The following NRXN1 variants were observed in gnomAD, a reference collection of about 807,000 sequenced individuals.
The protein encoded by NRXN1 is neurexin-1.
NRXN1 carries 39 observed loss-of-function variants against 150.9 expected under a neutral mutation model. The ratio of observed to expected loss-of-function variants is 0.26; its 90% CI spans 0.20 to 0.34. The LOEUF (loss-of-function observed/expected upper bound fraction) is 0.34. Among genes scored for constraint, NRXN1 ranks in the 10% least tolerant of loss-of-function variants. The probability of loss-of-function intolerance (pLI) is 1.00; values close to 1 mark genes in which losing one functional copy is unlikely to be tolerated. For synonymous variants in NRXN1, 924 were observed against 757.0 expected (o/e 1.22, Z -3.62); for missense variants, 1,815 against 1,949.9 (o/e 0.93, Z 1.30).
At chr2:50,134,660 C>T (rs763379037) in intron 18 of NRXN1, among the ~76,000 whole-genome samples, 1 of 152,154 alleles carries the variant, frequency 6.6e-6, no homozygotes, top group Non-Finnish European at 1.5e-5. Flanking sequence ...AAGAAATCAT[C>T]GCTTTTTCTC....
chr2:50,965,620 A>G lies in NRXN1; in HGVS notation c.773-39665T>C, dbSNP rs375129790. Among the ~76,000 whole-genome samples, 50 of 151,610 alleles carry G rather than the reference A, an allele frequency of 3.3e-4. No homozygotes were observed. In the South Asian group the frequency reaches 3.9e-3, roughly 12 times the overall value. On this transcript the variant is annotated intron_variant, in intron 2 of 22. Coordinates refer to ENST00000401669, the MANE Select transcript of NRXN1 (RefSeq NM_001330078.2). ...GGTTTTTAAAAGTTTTGCTTTTTCT[A>G]TAATTTCATGGAGCTAAAATATTTT...
chr2:50,323,343 C>T (rs1474132379), intron 17 of NRXN1, among the ~76,000 whole-genome samples: 1 of 152,130 alleles, frequency 6.6e-6, no homozygotes, highest in African/African-American at 2.4e-5. Flanking sequence ...CTGATGCTGT[C>T]AGTCTGGGGA....
chr2:50,159,655 A>G (rs1194337117), intron 18 of NRXN1, among the ~76,000 whole-genome samples: 2 of 152,216 alleles, frequency 1.3e-5, no homozygotes, highest in Non-Finnish European at 2.9e-5. Flanking sequence ...AGTTGAAGAC[A>G]CTATTCAAAG....
chr2:50,500,299 A>T, intron 13 of NRXN1, among the ~76,000 whole-genome samples: 1 of 152,108 alleles, frequency 6.6e-6, no homozygotes, highest in East Asian at 1.9e-4. Flanking sequence ...CATAAATAAT[A>T]AAAAGGTAGT....
At chr2:50,319,085 T>C (rs1002028875) in intron 17 of NRXN1, among the ~76,000 whole-genome samples, 2 of 152,238 alleles carry the variant, frequency 1.3e-5, no homozygotes, top group Admixed American at 6.5e-5. Context: ...AAAAATCACA[T>C]TTAAAGAAAC....
chr2:50,321,212 T>A (rs543452362), intron 17 of NRXN1, among the ~76,000 whole-genome samples: 1 of 152,204 alleles, frequency 6.6e-6, no homozygotes, highest in East Asian at 1.9e-4. Context: ...CCAGACTAAG[T>A]ATCCTGGAAT....
intron 8 of NRXN1, among the ~76,000 whole-genome samples, chr2:50,613,591 T>C (rs1678543471): frequency 6.6e-6 from 1 of 152,198 alleles, no homozygotes. Context: ...GGGACTTCTT[T>C]GCATTTTCTC....
rs553473028 is a variant in NRXN1 at position 50,351,596 on chromosome 2, A to G, written c.3364+113846T>C. Among the ~76,000 whole-genome samples, 43 of 149,342 alleles carry G rather than the reference A, an allele frequency of 2.9e-4. 1 individual carries two copies. In the South Asian group the frequency reaches 9.0e-3, roughly 31 times the overall value. On this transcript the variant is annotated intron_variant, in intron 17 of 22. Transcript: ENST00000401669. ...CACTTCTACATAAACAGAGTATGTG[A>G]CTCTAAGAGGCTTTTCACCCTTTAT...
chr2:50,324,696 C>T (rs1429343247), intron 17 of NRXN1, among the ~76,000 whole-genome samples: 1 of 152,208 alleles, frequency 6.6e-6, no homozygotes, highest in Non-Finnish European at 1.5e-5. Context: ...CGCCCGCCAT[C>T]GCGCCCGGCT....
intron 21 of NRXN1, among the ~76,000 whole-genome samples, chr2:49,985,505 G>C (rs1179299586): frequency 6.6e-6 from 1 of 152,150 alleles, no homozygotes; most frequent in Non-Finnish European, 1.5e-5. Context: ...GTACTCTTTA[G>C]AAAATGTTAG....
intron 19 of NRXN1, among the ~76,000 whole-genome samples, chr2:50,069,846 G>GTT (rs1467398706): frequency 1.6e-3 from 107 of 66,284 alleles, no homozygotes; most frequent in African/African-American, 0.011. Flanking sequence ...AGATTTTGGG[G>GTT]GTTTTTTTTT....
At chr2:50,457,249 C>T (rs889527364) in intron 17 of NRXN1, among the ~76,000 whole-genome samples, 37 of 152,088 alleles carry the variant, frequency 2.4e-4, no homozygotes, top group African/African-American at 8.9e-4. Flanking sequence ...TTTAAATTTA[C>T]ATCTAAGAAT....
intron 5 of NRXN1, among the ~76,000 whole-genome samples, chr2:50,629,546 G>A (rs1311464251): frequency 6.6e-6 from 1 of 151,598 alleles, no homozygotes; most frequent in Non-Finnish European, 1.5e-5. Context: ...GCCTATGGGT[G>A]TGCTAAGCGT....
At chr2:50,329,981 A>G (rs2076730774) in intron 17 of NRXN1, among the ~76,000 whole-genome samples, 1 of 151,922 alleles carries the variant, frequency 6.6e-6, no homozygotes, top group Non-Finnish European at 1.5e-5. Context: ...CAGTGTTTAT[A>G]AAATTTTTAA....
chr2:50,376,226 G>A (rs563764434), intron 17 of NRXN1, among the ~76,000 whole-genome samples: 140 of 152,058 alleles, frequency 9.2e-4, no homozygotes, highest in African/African-American at 3.2e-3. Context: ...CACAGTACAA[G>A]TATTTCCTAC....
chr2:50,905,365 C>CA (rs1310973326), intron 5 of NRXN1, among the ~76,000 whole-genome samples: 1 of 152,100 alleles, frequency 6.6e-6, no homozygotes, highest in African/African-American at 2.4e-5. Context: ...TGGTAAGACA[C>CA]ATAAATGTGT....
chr2:50,232,825 A>G (rs1715971), intron 18 of NRXN1, among the ~76,000 whole-genome samples: 63,027 of 152,004 alleles, frequency 0.41, 13,230 homozygotes, highest in Middle Eastern at 0.46. Context: ...AAATAAGGCA[A>G]TTATTAACAA....
At chr2:50,864,275 T>G (rs142950752) in intron 5 of NRXN1, among the ~76,000 whole-genome samples, 1 of 151,956 alleles carries the variant, frequency 6.6e-6, no homozygotes, top group East Asian at 1.9e-4. Context: ...AAATCAGACA[T>G]GTATCTGATC....
intron 18 of NRXN1, among the ~76,000 whole-genome samples, chr2:50,135,687 T>C (rs1706293167): frequency 6.6e-6 from 1 of 151,912 alleles, no homozygotes; most frequent in African/African-American, 2.4e-5. Context: ...CAAGACTCCA[T>C]CTCAAAAAAC....
Sources: allele counts gnomAD v4.1 joint callset (sites outside exome capture counted in the v4.1 genomes callset), GRCh38; gene constraint gnomAD v4.1.1; transcripts MANE v1.5; gene names NCBI Gene and HGNC (gene_info 2026-07-23, HGNC 2026-07-21).